Variants in HADHB observed in about 807,000 individuals in gnomAD.
HADHB encodes trifunctional enzyme subunit beta, mitochondrial.
HADHB carries 50 observed loss-of-function variants against 61.9 expected under a neutral mutation model. That is an observed-to-expected ratio of 0.81 (90% CI 0.64 to 1.02). The LOEUF is 1.02. Among genes scored for constraint, HADHB ranks in the 50% least tolerant of loss-of-function variants. The pLI, the probability that HADHB is intolerant of heterozygous loss-of-function variation, is 0.00. For missense variants in HADHB, 504 were observed against 586.5 expected (o/e 0.86, Z 1.45); for synonymous variants, 191 against 201.6 (o/e 0.95, Z 0.45).
chr2:26,254,786 A>G (rs1386216596), intron 3 of HADHB: 4 of 332,014 alleles, frequency 1.2e-5, no homozygotes, highest in African/African-American at 2.1e-5. Context: ...CTGGAGGTGA[A>G]TGGCATACAA....
At chr2:26,289,276 A>G (rs1018344821) in intron 15 of HADHB, among the ~76,000 whole-genome samples, 30 of 152,176 alleles carry the variant, frequency 2.0e-4, no homozygotes, top group African/African-American at 7.0e-4. Context: ...AAATAAAAAA[A>G]GAAAGATATT....
chr2:26,277,184 G>T, intron 7 of HADHB, 24 bp downstream of exon 7: 5 of 1,002,340 alleles, frequency 5.0e-6, no homozygotes, highest in Non-Finnish European at 7.9e-6. Flanking sequence ...GAAACAGACA[G>T]TACATGTTAA....
chr2:26,261,990 A>G lies in HADHB; in HGVS notation c.110-1390A>G, dbSNP rs184083754. On this transcript the variant is annotated intron_variant, in intron 3 of 15. Transcript: ENST00000317799. The stretch of plus-strand genomic sequence containing the variant: ...CCTTTATCCTGGCCTTTTGTGCCAC[A>G]TGCTTGGGTTTGCCACAGTCTCTTT... 4.9e-3 allele frequency among the ~76,000 whole-genome samples: 741 copies of G among 152,022 alleles called. 9 individuals are homozygous for G. Among genetic ancestry groups the G allele is most frequent in the African/African-American group, 0.017 (713 of 41,448 alleles).
At chr2:26,287,572 G>C (rs980334508) in intron 15 of HADHB, among the ~76,000 whole-genome samples, 1 of 152,170 alleles carries the variant, frequency 6.6e-6, no homozygotes, top group Non-Finnish European at 1.5e-5. Context: ...GATGAACAAG[G>C]AATAATACCT....
intron 12 of HADHB, among the ~76,000 whole-genome samples, chr2:26,283,451 G>T (rs1233886013): frequency 6.6e-6 from 1 of 152,160 alleles, no homozygotes; most frequent in African/African-American, 2.4e-5. Flanking sequence ...ATGAACCCGA[G>T]AGGCAGAGCT....
chr2:26,277,007 T>C (rs1362138826), intron 6 of HADHB, 66 bp from the exon 7 acceptor site: 5 of 825,424 alleles, frequency 6.1e-6, no homozygotes, highest in African/African-American at 5.0e-5. Context: ...AGATTAGTGC[T>C]CAAAGCATCA....
intron 3 of HADHB, chr2:26,261,101 A>G (rs564479163): frequency 2.9e-6 from 3 of 1,026,058 alleles, no homozygotes; most frequent in Non-Finnish European, 2.9e-6. Flanking sequence ...ATCAGCTTTT[A>G]TATTGACTTA....
intron 15 of HADHB, among the ~76,000 whole-genome samples, chr2:26,289,466 T>C (rs1410555751): frequency 2.0e-5 from 3 of 149,118 alleles, no homozygotes; most frequent in East Asian, 3.9e-4. Flanking sequence ...TTTTCCCCTC[T>C]AGAAACTTAC....
chr2:26,271,343 A>G (rs1672340358), intron 5 of HADHB, among the ~76,000 whole-genome samples: 1 of 151,924 alleles, frequency 6.6e-6, no homozygotes, highest in African/African-American at 2.4e-5. Flanking sequence ...CCCCATCTCT[A>G]CTAAAAATAC....
At chr2:26,255,498 C>CAAAA (rs61458894) in intron 3 of HADHB, among the ~76,000 whole-genome samples, 1 of 76,386 alleles carries the variant, frequency 1.3e-5, no homozygotes, top group African/African-American at 5.4e-5. Flanking sequence ...GACTCCGGCT[C>CAAAA]AAAAAAAAAA....
At chr2:26,262,670 T>G (rs1406838519) in intron 3 of HADHB, among the ~76,000 whole-genome samples, 2 of 152,212 alleles carry the variant, frequency 1.3e-5, no homozygotes, top group Non-Finnish European at 2.9e-5. Flanking sequence ...GTGCCCCTTA[T>G]TTCCACGTAG....
At position 26,278,813 on chromosome 2, in the gene HADHB, G is replaced by A; in HGVS notation, c.630+12G>A. The A allele has an allele frequency of 6.2e-7, 1 of 1,608,738 alleles. No individual in the cohort carries two copies. The highest frequency in any genetic ancestry group is 8.5e-7 in the Non-Finnish European group (1 of 1,175,050). On this transcript the variant is annotated intron_variant, in intron 8 of 15. Transcript: ENST00000317799. ...TCCTAGCACCTGAGGTAAGGCTTGT[G>A]TTTGCAGGGCATCCCACTGCAGAGA... is the stretch of plus-strand genomic sequence containing the variant.
intron 3 of HADHB, among the ~76,000 whole-genome samples, chr2:26,263,126 C>G (rs998297141): frequency 6.6e-6 from 1 of 151,626 alleles, no homozygotes; most frequent in Admixed American, 6.6e-5. Context: ...ATGGTGAAAC[C>G]CCATCTCTAC....
intron 3 of HADHB, among the ~76,000 whole-genome samples, chr2:26,262,596 C>T (rs1445023696): frequency 6.6e-6 from 1 of 152,092 alleles, no homozygotes; most frequent in Non-Finnish European, 1.5e-5. Flanking sequence ...AGGAAGTTTG[C>T]TTTTTTGAGA....
intron 4 of HADHB, among the ~76,000 whole-genome samples, chr2:26,263,992 G>A (rs529239846): frequency 6.6e-6 from 1 of 152,214 alleles, no homozygotes; most frequent in African/African-American, 2.4e-5. Flanking sequence ...GATCCAAATT[G>A]CTCTTCTCCT....
At position 26,253,898 on chromosome 2, in the gene HADHB, AAAT is replaced by A. The variant is rs1235644851; in HGVS notation, c.-8-346_-8-344del. 3.3e-5 allele frequency among the ~76,000 whole-genome samples: 5 copies of A among 151,454 alleles called. No individual in the cohort carries two copies. In the East Asian group the frequency reaches 9.7e-4, roughly 29 times the overall value. ...TAAATAAATAAATAAATAAATAAAT[AAAT>A]AAAAATTCCAGCTCTGCCACTCACT... On this transcript the variant is annotated intron_variant, in intron 1 of 15. Coordinates refer to ENST00000317799, the MANE Select transcript of HADHB (RefSeq NM_000183.3).
intron 3 of HADHB, 31 bp downstream of exon 3, chr2:26,254,505 A>T: frequency 7.1e-7 from 1 of 1,412,228 alleles, no homozygotes; most frequent in Non-Finnish European, 1.0e-6. Flanking sequence ...AATATTTCTG[A>T]TTTAAATGTT....
chr2:26,263,738 C>G (rs1290582402), intron 4 of HADHB, among the ~76,000 whole-genome samples: 1 of 152,200 alleles, frequency 6.6e-6, no homozygotes, highest in African/African-American at 2.4e-5. Context: ...GTCCAGATAG[C>G]TTGCTTCCAA....
At chr2:26,265,050 T>G (rs1672020853) in intron 4 of HADHB, among the ~76,000 whole-genome samples, 1 of 152,226 alleles carries the variant, frequency 6.6e-6, no homozygotes, top group South Asian at 2.1e-4. Flanking sequence ...CGTTTCTTTA[T>G]TCATCCTATT....
Sources: allele counts gnomAD v4.1 joint callset (sites outside exome capture counted in the v4.1 genomes callset), GRCh38; gene constraint gnomAD v4.1.1; transcripts MANE v1.5; gene names NCBI Gene and HGNC (gene_info 2026-07-23, HGNC 2026-07-21).